The following CASK variants were observed in gnomAD, a reference collection of about 807,000 sequenced individuals.
The protein encoded by CASK is peripheral plasma membrane protein CASK.
Under a neutral mutation model 82.9 loss-of-function variants are expected in CASK, and 4 were observed. The ratio of observed to expected loss-of-function variants is 0.05; its 90% CI spans 0.02 to 0.11. CASK has a LOEUF of 0.11. CASK is among the 10% of genes least tolerant of loss of function. The pLI, the probability that CASK is intolerant of heterozygous loss-of-function variation, is 1.00. For missense variants in CASK, 358 were observed against 720.9 expected, an observed-to-expected ratio of 0.50 and a Z score of 5.76; for synonymous variants, 259 against 253.5, an observed-to-expected ratio of 1.02 and a Z score of -0.20.
intron 2 of CASK, among the ~76,000 whole-genome samples, chrX:41,791,351 G>A (rs986665118): frequency 1.4e-4 from 15 of 106,679 alleles, no homozygotes; most frequent in African/African-American, 3.8e-4. Flanking sequence ...ATGCCTTTGC[G>A]TCCCCATAGC....
intron 5 of CASK, chrX:41,675,708 G>T: frequency 6.5e-6 from 7 of 1,079,261 alleles, no homozygotes. Context: ...ATGACAAATG[G>T]TCTACTGTGT....
chrX:41,615,843 T>C (rs1450251082), intron 11 of CASK, among the ~76,000 whole-genome samples: 1 of 110,906 alleles, frequency 9.0e-6, no homozygotes, highest in Non-Finnish European at 1.9e-5. Context: ...GCCAGGCTGG[T>C]CTCGAACTCC....
chrX:41,798,885 G>C (rs1016182061), intron 2 of CASK, among the ~76,000 whole-genome samples: 1 of 111,911 alleles, frequency 8.9e-6, no homozygotes, highest in Non-Finnish European at 1.9e-5. Context: ...TTGGAACCCA[G>C]GTAGAACCAA....
At chrX:41,862,533 T>G (rs2147992256) in intron 1 of CASK, among the ~76,000 whole-genome samples, 1 of 82,510 alleles carries the variant, frequency 1.2e-5, no homozygotes, top group South Asian at 6.7e-4. Context: ...AGAGCAAGGC[T>G]CTGTCTCAGA....
At chrX:41,752,462 G>A (rs1360386236) in intron 3 of CASK, among the ~76,000 whole-genome samples, 1 of 110,104 alleles carries the variant, frequency 9.1e-6, no homozygotes, top group Non-Finnish European at 1.9e-5. Flanking sequence ...GCTAATTTCT[G>A]TATTTTTAGT....
At chrX:41,653,784 T>C (rs2147442328) in intron 8 of CASK, among the ~76,000 whole-genome samples, 1 of 112,642 alleles carries the variant, frequency 8.9e-6, no homozygotes, top group African/African-American at 3.2e-5. Flanking sequence ...ATAACTAATT[T>C]AGGGCACTTT....
At chrX:41,551,990 G>A (rs764385112) in intron 21 of CASK, among the ~76,000 whole-genome samples, 2 of 106,286 alleles carry the variant, frequency 1.9e-5, no homozygotes, top group South Asian at 4.4e-4. Flanking sequence ...GCAGTGGCGC[G>A]ATCACGGCTC....
chrX:41,602,764 TAAGA>T (rs2065911764), intron 12 of CASK, among the ~76,000 whole-genome samples: 1 of 107,866 alleles, frequency 9.3e-6, no homozygotes, highest in African/African-American at 3.4e-5. Context: ...TTATTTACAT[TAAGA>T]AAGAAGGAAA....
chrX:41,745,712 T>C (rs2068675596), intron 3 of CASK, 111 bp from the exon 4 acceptor site: 3 of 552,257 alleles, frequency 5.4e-6, no homozygotes, highest in Non-Finnish European at 6.3e-6. Context: ...CTAAGGGTTA[T>C]GTTATTTAAA....
chrX:41,879,904 A>T (rs981404221), intron 1 of CASK, among the ~76,000 whole-genome samples: 2 of 112,430 alleles, frequency 1.8e-5, no homozygotes, highest in African/African-American at 6.5e-5. Context: ...ATGACACCTT[A>T]TAAGAACAAA....
intron 1 of CASK, among the ~76,000 whole-genome samples, chrX:41,885,072 T>C (rs1420364667): frequency 8.9e-6 from 1 of 112,013 alleles, no homozygotes; most frequent in Non-Finnish European, 1.9e-5. Context: ...TAAAAAGCTA[T>C]ATTAGGTACT....
chrX:41,517,810 AGC>A lies in CASK; in HGVS notation c.*2608_*2609del. 1.2e-6 allele frequency: 1 copy of A among 809,148 alleles called. No homozygotes were observed. Among genetic ancestry groups the A allele is most frequent in the Non-Finnish European group, 1.8e-6 (1 of 561,166 alleles). The allele number at this position is 809,148 out of a possible 1,213,427, so 66.7% of individuals were successfully genotyped here. On this transcript the variant is annotated 3_prime_UTR_variant, in exon 27 of 27. Coordinates refer to ENST00000378163, the MANE Select transcript of CASK (RefSeq NM_001367721.1). ...CAGCAGCAGCAGCAGCAGCAGCAGC[AGC>A]AGCAGCAGCAATGTACTGAAATTAC... is the stretch of plus-strand genomic sequence containing the variant.
chrX:41,778,808 C>A (rs1239551449), intron 3 of CASK, among the ~76,000 whole-genome samples: 1 of 108,927 alleles, frequency 9.2e-6, no homozygotes, highest in Non-Finnish European at 1.9e-5. Context: ...ATACAAAAAT[C>A]TGACCACCTA....
intron 1 of CASK, among the ~76,000 whole-genome samples, chrX:41,885,372 CA>C (rs2148033232): frequency 9.0e-6 from 1 of 111,359 alleles, no homozygotes. Flanking sequence ...GAAAATTTGT[CA>C]AGTAAAGATT....
At chrX:41,637,975 T>A (rs2066587751) in intron 8 of CASK, among the ~76,000 whole-genome samples, 1 of 111,512 alleles carries the variant, frequency 9.0e-6, no homozygotes, top group Admixed American at 9.5e-5. Flanking sequence ...CTCTTCTTAC[T>A]CTTCTCCCCA....
At chrX:41,569,584 AAAAC>A (rs1327950701) in intron 16 of CASK, 80 bp downstream of exon 16, 2 of 708,910 alleles carry the variant, frequency 2.8e-6, no homozygotes, top group South Asian at 2.3e-5. Context: ...TCTCAAAAAC[AAAAC>A]AAACAAAAAC....
chrX:41,759,525 G>T, intron 3 of CASK, among the ~76,000 whole-genome samples: 1 of 111,273 alleles, frequency 9.0e-6, no homozygotes, highest in East Asian at 2.8e-4. Context: ...AGTAGAATAT[G>T]GGATTTTTTC....
intron 24 of CASK, 109 bp from the exon 25 acceptor site, chrX:41,531,318 T>C (rs2064800705): frequency 9.3e-6 from 6 of 645,064 alleles, no homozygotes; most frequent in African/African-American, 2.1e-5. Context: ...GTGGATTCTT[T>C]AGCGTATATC....
Position 41,626,505 on chromosome X carries a change from A to T in CASK, c.1015+99T>A. 3 of 563,827 alleles carry T rather than the reference A, an allele frequency of 5.3e-6. No individual in the cohort carries two copies. In the Admixed American group the frequency reaches 7.8e-5, roughly 15 times the overall value. 46.5% of individuals were successfully genotyped at this position (563,827 alleles called of 1,213,427 possible). On this transcript the variant is annotated intron_variant, in intron 10 of 26. Coordinates refer to ENST00000378163, the MANE Select transcript of CASK (RefSeq NM_001367721.1). ...AAACTTCCTTAGAATCCGTTGGAGG[A>T]TTTAACTAAATGCACAGGAAAAGTT...
Sources: gnomAD v4.1 joint callset for allele counts (sites outside exome capture counted in the v4.1 genomes callset) on GRCh38, gnomAD v4.1.1 for gene constraint, MANE v1.5 for transcripts, NCBI Gene and HGNC (gene_info 2026-07-23, HGNC 2026-07-21) for gene names.